Variants in REEP3 observed in about 807,000 individuals in gnomAD.
REEP3 encodes receptor expression-enhancing protein 3.
REEP3 carries 20 observed loss-of-function variants against 41.3 expected under a neutral mutation model. That is an observed-to-expected ratio of 0.48 (90% CI 0.34 to 0.70). The LOEUF (loss-of-function observed/expected upper bound fraction) is 0.70. Among genes scored for constraint, REEP3 ranks in the 30% least tolerant of loss-of-function variants. REEP3 has a pLI of 0.01. For missense variants in REEP3, 271 were observed against 308.8 expected (o/e 0.88, Z 0.92); for synonymous variants, 104 against 101.8 (o/e 1.02, Z -0.13).
Position 63,562,835 on chromosome 10 carries a change from T to C in REEP3, c.33-3503T>C, listed in dbSNP as rs564202871. On this transcript the variant is annotated intron_variant, in intron 1 of 7. Coordinates refer to ENST00000373758, the MANE Select transcript of REEP3 (RefSeq NM_001001330.3). ...TACTCTAAAGGTTCACAAATATATATGTGTTATGGGCTGAATTCTGTCTCC... is the reference window on the plus strand; with the variant it reads ...TACTCTAAAGGTTCACAAATATATACGTGTTATGGGCTGAATTCTGTCTCC... 98 of 426,796 alleles carry C rather than the reference T, an allele frequency of 2.3e-4. 1 individual carries two copies. The highest frequency in any genetic ancestry group is 7.0e-4 in the South Asian group (41 of 58,830). 26.4% of individuals were successfully genotyped at this position (426,796 alleles called of 1,614,324 possible).
At chr10:63,582,703 G>A (rs369542848) in intron 2 of REEP3, among the ~76,000 whole-genome samples, 20 of 152,132 alleles carry the variant, frequency 1.3e-4, no homozygotes, top group East Asian at 7.7e-4. Context: ...AAATGTCTCC[G>A]TCAGTGAAGT....
rs1956267191 is a variant in REEP3, at chr10:63,610,246, C to G, written c.477C>G (p.Ile159Met). Reference protein sequence around the residue: ...RSFSMHDLTTIQGDEPVGQRP... With the variant: ...RSFSMHDLTTMQGDEPVGQRP... Reference sequence around the variant, plus strand: ...TCAGTATGCATGATTTAACAACTATCCAAGGTGATGAGCCTGTGGGACAAA... The same window carrying G: ...TCAGTATGCATGATTTAACAACTATGCAAGGTGATGAGCCTGTGGGACAAA... The change falls in exon 6 of 8, where the codon ATC (isoleucine) becomes ATG (methionine). Residue 159 changes from isoleucine (I) to methionine (M), a missense_variant. Transcript: ENST00000373758. The G allele has an allele frequency of 1.9e-6, 3 of 1,602,938 alleles. No homozygotes were observed. In the South Asian group the frequency reaches 3.4e-5, roughly 18 times the overall value.
chr10:63,581,618 C>T (rs1441498488), intron 2 of REEP3, among the ~76,000 whole-genome samples: 1 of 151,904 alleles, frequency 6.6e-6, no homozygotes, highest in Non-Finnish European at 1.5e-5. Flanking sequence ...TGGCATGTGC[C>T]TATAGTCCCA....
chr10:63,620,932 A>C lies in REEP3; in HGVS notation c.*63A>C. 9.8e-7 allele frequency: 1 copy of C among 1,015,728 alleles called. No individual in the cohort carries two copies. The highest frequency in any genetic ancestry group is 1.5e-6 in the Non-Finnish European group (1 of 663,950). The allele number at this position is 1,015,728 out of a possible 1,614,324, so 62.9% of individuals were successfully genotyped here. A position where few individuals can be genotyped will look rare whatever the true frequency, so the allele number is the denominator to read the frequency against. On this transcript the variant is annotated 3_prime_UTR_variant, in exon 8 of 8. Coordinates refer to ENST00000373758, the MANE Select transcript of REEP3 (RefSeq NM_001001330.3). ...AAATACATCGACTTCATCTTCTAAC[A>C]TGATATATTCAGGATTTACACATTA... is the stretch of plus-strand genomic sequence containing the variant.
In REEP3 at chr10:63,572,041, T is replaced by C. The variant is rs1349240297; in HGVS notation, c.105+5631T>C. On this transcript the variant is annotated intron_variant, in intron 2 of 7. Transcript: ENST00000373758. The stretch of plus-strand genomic sequence containing the variant: ...TTCGGGGGCCACGGCCATATAGATA[T>C]TTTCCAAGAAGGACAATCAGGCAGC... Among the ~76,000 whole-genome samples the C allele has an allele frequency of 2.0e-5, 3 of 152,100 alleles. No individual in the cohort carries two copies. In the East Asian group the frequency reaches 5.8e-4, roughly 29 times the overall value.
Position 63,535,403 on chromosome 10 carries a change from A to C in REEP3, c.32+13826A>C, listed in dbSNP as rs1305246237. Among the ~76,000 whole-genome samples the C allele has an allele frequency of 3.3e-5, 5 of 152,330 alleles. No homozygotes were observed. In the East Asian group the frequency reaches 9.6e-4, roughly 29 times the overall value. ...TATGTTAATGGGTCAATATTAATTAATGATTATCAGTTCATCTCCTAAAAA... is the reference window on the plus strand; with the variant it reads ...TATGTTAATGGGTCAATATTAATTACTGATTATCAGTTCATCTCCTAAAAA... On this transcript the variant is annotated intron_variant, in intron 1 of 7. Transcript: ENST00000373758.
intron 3 of REEP3, among the ~76,000 whole-genome samples, chr10:63,596,267 G>T (rs1956113317): frequency 6.6e-6 from 1 of 151,964 alleles, no homozygotes; most frequent in Non-Finnish European, 1.5e-5. Context: ...TTGGTATAGG[G>T]GTTTGGTTGT....
intron 5 of REEP3, among the ~76,000 whole-genome samples, chr10:63,605,431 A>G (rs955025649): frequency 1.3e-5 from 2 of 152,198 alleles, no homozygotes; most frequent in Non-Finnish European, 2.9e-5. Flanking sequence ...ATCAACAAGA[A>G]ATAGAGCTTA....
chr10:63,619,804 G>A lies in REEP3; in HGVS notation c.711+4G>A, dbSNP rs972165884. The A allele has an allele frequency of 1.9e-6, 3 of 1,604,092 alleles. No individual in the cohort carries two copies. Among genetic ancestry groups the A allele is most frequent in the African/African-American group, 1.3e-5 (1 of 74,762 alleles). ...AACCACCAAAGGCCGCAAAGAGGTT[G>A]GTTAAGTGTAGAGCTGTTTTCCTAA... On this transcript the variant is annotated splice_donor_region_variant and intron_variant, in intron 7 of 7. Transcript: ENST00000373758.
At chr10:63,537,560 T>A (rs1472914138) in intron 1 of REEP3, among the ~76,000 whole-genome samples, 1 of 152,170 alleles carries the variant, frequency 6.6e-6, no homozygotes, top group Non-Finnish European at 1.5e-5. Flanking sequence ...CTTTAATCAA[T>A]GATTACATTA....
At chr10:63,618,848 T>A (rs192869026) in intron 6 of REEP3, among the ~76,000 whole-genome samples, 79 of 152,356 alleles carry the variant, frequency 5.2e-4, no homozygotes, top group African/African-American at 1.9e-3. Flanking sequence ...TGGAAGAGTT[T>A]TCGTCCTTGA....
intron 1 of REEP3, among the ~76,000 whole-genome samples, chr10:63,549,636 G>A (rs537586690): frequency 1.4e-4 from 21 of 152,290 alleles, no homozygotes; most frequent in Non-Finnish European, 2.8e-4. Context: ...AAAAAGACTC[G>A]TACATGATAC....
intron 1 of REEP3, among the ~76,000 whole-genome samples, chr10:63,557,138 G>A (rs1733442338): frequency 6.6e-6 from 1 of 152,074 alleles, no homozygotes; most frequent in South Asian, 2.1e-4. Flanking sequence ...AGGGAAAGAG[G>A]ACTGATTCAT....
chr10:63,608,298 A>G (rs1008272438), intron 5 of REEP3, among the ~76,000 whole-genome samples: 2 of 152,370 alleles, frequency 1.3e-5, no homozygotes, highest in Admixed American at 6.5e-5. Flanking sequence ...TATTGAGAAT[A>G]AAGTCCTTTA....
intron 2 of REEP3, among the ~76,000 whole-genome samples, chr10:63,573,947 G>A (rs1288122706): frequency 6.6e-6 from 1 of 152,096 alleles, no homozygotes; most frequent in Non-Finnish European, 1.5e-5. Context: ...TTGCTTGTCT[G>A]TGTATTTTCT....
chr10:63,534,645 T>A (rs1955458067), intron 1 of REEP3, among the ~76,000 whole-genome samples: 1 of 152,374 alleles, frequency 6.6e-6, no homozygotes, highest in African/African-American at 2.4e-5. Flanking sequence ...TCTGTGTAAA[T>A]CTGTACCCAA....
chr10:63,611,948 A>G (rs1166976667), intron 6 of REEP3, among the ~76,000 whole-genome samples: 2 of 151,552 alleles, frequency 1.3e-5, no homozygotes, highest in Non-Finnish European at 2.9e-5. Flanking sequence ...TCAGAAAAAA[A>G]AAAAGAAAAA....
At chr10:63,554,858 T>A (rs75297652) in intron 1 of REEP3, among the ~76,000 whole-genome samples, 5,606 of 152,218 alleles carry the variant, frequency 0.037, 335 homozygotes, top group East Asian at 0.28. Context: ...TACAGTGTAC[T>A]CTGTTCCAAG....
chr10:63,527,611 G>A (rs1955378095), intron 1 of REEP3, among the ~76,000 whole-genome samples: 1 of 152,046 alleles, frequency 6.6e-6, no homozygotes, highest in Non-Finnish European at 1.5e-5. Context: ...AGCCTGGGAT[G>A]TTGAGGCTGC....
Sources: gnomAD v4.1 joint callset for allele counts (sites outside exome capture counted in the v4.1 genomes callset) on GRCh38, gnomAD v4.1.1 for gene constraint, MANE v1.5 for transcripts, NCBI Gene and HGNC (gene_info 2026-07-23, HGNC 2026-07-21) for gene names.